The following ANO1 variants were observed in gnomAD, a reference collection of about 807,000 sequenced individuals.
ANO1 encodes anoctamin-1.
A neutral mutation model predicts 124.0 loss-of-function variants in ANO1; 59 were observed. The observed-to-expected ratio is 0.48, with a 90% CI of 0.39 to 0.59. ANO1 has a LOEUF of 0.59. ANO1 is among the 20% of genes least tolerant of loss of function. ANO1 has a pLI of 0.00. For synonymous variants in ANO1, 529 were observed against 532.0 expected, an observed-to-expected ratio of 0.99 and a Z score of 0.08; for missense variants, 1,059 against 1,328.0, an observed-to-expected ratio of 0.80 and a Z score of 3.15.
At position 70,170,966 on chromosome 11, in the gene ANO1, C is replaced by T. The variant is rs773052224; in HGVS notation, c.2277C>T (p.Ile759=). 3.7e-6 allele frequency: 6 copies of T among 1,613,210 alleles called. No homozygotes were observed. The highest frequency in any genetic ancestry group is 1.7e-5 in the Admixed American group (1 of 59,892). ...APLFALLNNI[I]EIRLDAKKFV... The stretch of plus-strand genomic sequence containing the variant: ...TGTTTGCGCTGCTGAACAACATCAT[C>T]GAGATCCGCCTGGACGCCAAAAAGT... The change falls in exon 22 of 26, where the codon ATC becomes ATT. Residue 759 remains isoleucine, a synonymous_variant. Coordinates refer to ENST00000355303, the MANE Select transcript of ANO1 (RefSeq NM_018043.7).
At chr11:70,165,193 C>G (rs1045290934) in intron 19 of ANO1, among the ~76,000 whole-genome samples, 1 of 152,174 alleles carries the variant, frequency 6.6e-6, no homozygotes, top group African/African-American at 2.4e-5. Context: ...TGCCTCTTCC[C>G]TCTGTGCCCG....
At chr11:70,130,864 C>A (rs953003130) in intron 10 of ANO1, among the ~76,000 whole-genome samples, 1 of 152,224 alleles carries the variant, frequency 6.6e-6, no homozygotes, top group African/African-American at 2.4e-5. Context: ...CCCGTTCTCC[C>A]AGAGAAGAGT....
chr11:70,028,578 T>C (rs1316190350), intron 1 of ANO1, among the ~76,000 whole-genome samples: 1 of 151,760 alleles, frequency 6.6e-6, no homozygotes, highest in African/African-American at 2.4e-5. Context: ...ATCCCCAAAA[T>C]CCAGCTCCTG....
At chr11:70,095,408 A>G (rs1206564132) in intron 2 of ANO1, among the ~76,000 whole-genome samples, 7 of 41,656 alleles carry the variant, frequency 1.7e-4, no homozygotes, top group African/African-American at 3.6e-4. Flanking sequence ...GAAAGAAAGA[A>G]AGAAAGAAAG....
At position 70,108,480 on chromosome 11, in the gene ANO1, A is replaced by C; in HGVS notation, c.799+76A>C. 3 of 1,514,764 alleles carry C rather than the reference A, an allele frequency of 2.0e-6. No individual in the cohort carries two copies. In the South Asian group the frequency reaches 3.4e-5, roughly 17 times the overall value. The allele number at this position is 1,514,764 out of a possible 1,614,324, so 93.8% of individuals were successfully genotyped here. Reference sequence around the variant, plus strand: ...CTCACCTCCGAGTCATCTCTGTGGGAGGCAGGCAGCCGGCTTGGGGTGTTT... The same window carrying C: ...CTCACCTCCGAGTCATCTCTGTGGGCGGCAGGCAGCCGGCTTGGGGTGTTT... On this transcript the variant is annotated intron_variant, in intron 6 of 25. Coordinates refer to ENST00000355303, the MANE Select transcript of ANO1 (RefSeq NM_018043.7).
chr11:69,989,091 T>A (rs1554997180), intron 1 of ANO1, among the ~76,000 whole-genome samples: 2 of 152,174 alleles, frequency 1.3e-5, no homozygotes, highest in African/African-American at 4.8e-5. Flanking sequence ...GAAGCCCTGG[T>A]ACCTGCATCA....
chr11:70,151,307 C>G (rs1250537356), intron 12 of ANO1, among the ~76,000 whole-genome samples: 4 of 152,258 alleles, frequency 2.6e-5, no homozygotes, highest in Non-Finnish European at 1.5e-5. Context: ...TCTCATTATC[C>G]TGTCCACAAA....
chr11:70,030,106 T>A (rs1245872271), intron 1 of ANO1, among the ~76,000 whole-genome samples: 1 of 152,046 alleles, frequency 6.6e-6, no homozygotes, highest in African/African-American at 2.4e-5. Flanking sequence ...AAAAACCAAG[T>A]CCTGCTTGTG....
the ANO1 span, among the ~76,000 whole-genome samples, chr11:69,976,919 G>A: frequency 5.3e-5 from 8 of 151,878 alleles, no homozygotes; most frequent in Non-Finnish European, 8.8e-5. Flanking sequence ...AGGGGTGAAC[G>A]TCATGTTCAT....
chr11:70,013,616 TAAAACAAAAC>T (rs143661202), intron 1 of ANO1, among the ~76,000 whole-genome samples: 23 of 148,842 alleles, frequency 1.5e-4, no homozygotes, highest in Admixed American at 5.4e-4. Context: ...CCGTCTCCAC[TAAAACAAAAC>T]AAAACAAAAC....
intron 11 of ANO1, among the ~76,000 whole-genome samples, chr11:70,135,213 A>C (rs1379534720): frequency 6.6e-6 from 1 of 152,110 alleles, no homozygotes; most frequent in Admixed American, 6.5e-5. Context: ...TTCCCTGCTG[A>C]AATCCCTGGG....
In ANO1 at chr11:70,087,804, A is replaced by G; in HGVS notation, c.161A>G (p.Tyr54Cys). 1 of 1,612,934 alleles carries G rather than the reference A, an allele frequency of 6.2e-7. No homozygotes were observed. The highest frequency in any genetic ancestry group is 8.5e-7 in the Non-Finnish European group (1 of 1,179,650). ...DPDAECKYGL[Y>C]FRDGRRKVDY... ...GATGCCGAGTGCAAGTATGGCCTGTACTTCAGGGACGGCCGGCGCAAGGTG... is the reference window on the plus strand; with the variant it reads ...GATGCCGAGTGCAAGTATGGCCTGTGCTTCAGGGACGGCCGGCGCAAGGTG... The change falls in exon 2 of 26, where the codon TAC becomes TGC. Residue 54 changes from tyrosine to cysteine, a missense_variant. Coordinates refer to ENST00000355303, the MANE Select transcript of ANO1 (RefSeq NM_018043.7).
At chr11:69,994,570 A>C (rs1856225194) in intron 1 of ANO1, among the ~76,000 whole-genome samples, 1 of 152,094 alleles carries the variant, frequency 6.6e-6, no homozygotes, top group South Asian at 2.1e-4. Flanking sequence ...GCAATTTTTA[A>C]TTTTCACTCA....
rs1565193196 is a variant in ANO1 at position 70,095,287 on chromosome 11, G to GGAAGGAAGGAAGGAAGGAAA, written c.441+7218_441+7219insGGAAAGAAGGAAGGAAGGAA. 7.4e-4 allele frequency among the ~76,000 whole-genome samples: 60 copies of GGAAGGAAGGAAGGAAGGAAA among 80,694 alleles called. 10 individuals are homozygous for GGAAGGAAGGAAGGAAGGAAA. The highest frequency in any genetic ancestry group is 3.3e-3 in the African/African-American group (56 of 16,734). 52.9% of individuals were successfully genotyped at this position (80,694 alleles called of 152,430 possible). ...AGGAAGGAAGGAAGGAAGGAAGGAA[G>GGAAGGAAGGAAGGAAGGAAA]GAAGGAAGGAAGGAAAGAAAGAAAG... On this transcript the variant is annotated intron_variant, in intron 2 of 25. Transcript: ENST00000355303.
At chr11:70,033,886 CATCTTGAACATCTGCTGTCACT>C (rs1403636513) in intron 1 of ANO1, among the ~76,000 whole-genome samples, 1 of 152,066 alleles carries the variant, frequency 6.6e-6, no homozygotes, top group Non-Finnish European at 1.5e-5. Context: ...TCTGTGTCAC[CATCTTGAACATCTGCTGTCACT>C]ATCTTGACCA....
chr11:69,988,523 C>T (rs782111029), intron 1 of ANO1, among the ~76,000 whole-genome samples: 1 of 152,174 alleles, frequency 6.6e-6, no homozygotes, highest in Non-Finnish European at 1.5e-5. Context: ...TCACTGCAAG[C>T]TTCATCCATA....
intron 15 of ANO1, 76 bp downstream of exon 15, chr11:70,156,064 C>A: frequency 7.6e-7 from 1 of 1,312,426 alleles, no homozygotes; most frequent in Non-Finnish European, 1.0e-6. Context: ...TTTTCCTCAA[C>A]AAACTGTTGT....
upstream of ANO1, among the ~76,000 whole-genome samples, chr11:70,073,707 G>A (rs2044016536): frequency 6.6e-6 from 1 of 152,114 alleles, no homozygotes; most frequent in African/African-American, 2.4e-5. Context: ...AGCTACCCCA[G>A]GTGAGCTTTA....
At chr11:70,107,402 G>A (rs1207785693) in intron 5 of ANO1, among the ~76,000 whole-genome samples, 3 of 151,920 alleles carry the variant, frequency 2.0e-5, no homozygotes, top group Admixed American at 6.6e-5. Flanking sequence ...CAGCCAGGGC[G>A]GAGGCCCTGT....
Sources: allele counts gnomAD v4.1 joint callset (sites outside exome capture counted in the v4.1 genomes callset), GRCh38; gene constraint gnomAD v4.1.1; transcripts MANE v1.5; gene names NCBI Gene and HGNC (gene_info 2026-07-23, HGNC 2026-07-21).